TTBK2: variants seen among roughly 807,000 people sequenced by gnomAD.
The protein encoded by TTBK2 is tau tubulin kinase 2, also known as tau-tubulin kinase 2.
In TTBK2, 28 loss-of-function variants were observed where a neutral mutation model predicts 110.8. The ratio of observed to expected loss-of-function variants is 0.25; its 90% confidence interval spans 0.19 to 0.35. TTBK2 has a LOEUF of 0.35. Ranked by LOEUF, TTBK2 falls within the 10% of genes least tolerant of loss-of-function variation. The pLI is 1.00. For synonymous variants in TTBK2, 532 were observed against 527.3 expected (o/e 1.01, Z -0.12); for missense variants, 1,369 against 1,500.3 (o/e 0.91, Z 1.45).
chr15:42,816,118 A>ATATATG (rs1235814767), intron 7 of TTBK2, among the ~76,000 whole-genome samples: 27 of 104,146 alleles, frequency 2.6e-4, no homozygotes, highest in African/African-American at 7.4e-4. Context: ...ATATATATAT[A>ATATATG]TGTGTATATT....
rs901954531 is a variant in TTBK2, at chr15:42,852,387, A to G, written c.218-11954T>C. Among the ~76,000 whole-genome samples the G allele has an allele frequency of 7.2e-5, 11 of 152,318 alleles. No individual in the cohort carries two copies. In the East Asian group the frequency reaches 1.9e-3, roughly 27 times the overall value. ...CCCAGCCATTACCAACTATGTATAC[A>G]TTAAGTTCACAACACAAAATAGCTT... On this transcript the variant is annotated intron_variant, in intron 3 of 14. Coordinates refer to ENST00000267890, the MANE Select transcript of TTBK2 (RefSeq NM_173500.4).
At chr15:42,807,810 A>C (rs1891537566) in intron 9 of TTBK2, among the ~76,000 whole-genome samples, 1 of 152,158 alleles carries the variant, frequency 6.6e-6, no homozygotes, top group South Asian at 2.1e-4. Context: ...TATCTGCTTT[A>C]ATCTTGTTTA....
intron 7 of TTBK2, 28 bp downstream of exon 7, chr15:42,817,004 C>G (rs373140373): frequency 4.2e-5 from 65 of 1,555,836 alleles, no homozygotes; most frequent in Non-Finnish European, 5.4e-5. Context: ...CATACTTATA[C>G]AGATATGACT....
intron 1 of TTBK2, among the ~76,000 whole-genome samples, chr15:42,885,061 G>A (rs1423784468): frequency 6.6e-6 from 1 of 152,166 alleles, no homozygotes; most frequent in Non-Finnish European, 1.5e-5. Context: ...AAGAACTAAT[G>A]ATAATCCCAC....
In TTBK2 at chr15:42,783,653, A is replaced by T. The variant is rs1003238641; in HGVS notation, c.981-18T>A. 1.3e-6 allele frequency: 2 copies of T among 1,595,060 alleles called. No individual in the cohort carries two copies. Among genetic ancestry groups the T allele is most frequent in the Non-Finnish European group, 8.6e-7 (1 of 1,162,824 alleles). ...TGGCAATTCTACATATGAAGGGAGA[A>T]AAAAAAGGCAAGAATCAAAAATTAC... On this transcript the variant is annotated intron_variant, in intron 10 of 14. Coordinates refer to ENST00000267890, the MANE Select transcript of TTBK2 (RefSeq NM_173500.4).
intron 3 of TTBK2, among the ~76,000 whole-genome samples, chr15:42,864,432 A>G (rs572570250): frequency 2.4e-4 from 37 of 152,202 alleles, no homozygotes; most frequent in African/African-American, 8.7e-4. Context: ...TAAAAATACA[A>G]AATTAGCCAG....
intron 1 of TTBK2, among the ~76,000 whole-genome samples, chr15:42,907,410 CA>C (rs2030469775): frequency 6.6e-6 from 1 of 152,038 alleles, no homozygotes; most frequent in Non-Finnish European, 1.5e-5. Context: ...TAACAACAGC[CA>C]AAATGGAATC....
In TTBK2 at chr15:42,746,233, C is replaced by A. The variant is rs766611646; in HGVS notation, c.3297G>T (p.Gly1099=). ...AAAGGTCTGAGTCGGAGTTACTACTCCCTAGGACTTTATATCTGCGTAGCC... is the reference window on the plus strand; with the variant it reads ...AAAGGTCTGAGTCGGAGTTACTACTACCTAGGACTTTATATCTGCGTAGCC... ...EARLRRYKVL[G]SSNSDSDLFS... is the part of the protein sequence containing the mutation. The change falls in exon 15 of 15, where the codon GGG becomes GGT. Residue 1099 remains glycine (G), a synonymous_variant. Transcript: ENST00000267890. 4.3e-6 allele frequency: 7 copies of A among 1,613,678 alleles called. No homozygotes were observed. In the South Asian group the frequency reaches 5.5e-5, roughly 13 times the overall value.
At chr15:42,756,753 C>T (rs2061952534) in intron 13 of TTBK2, among the ~76,000 whole-genome samples, 1 of 151,396 alleles carries the variant, frequency 6.6e-6, no homozygotes, top group Non-Finnish European at 1.5e-5. Flanking sequence ...TATATATGAC[C>T]CAAGCATGGT....
At chr15:42,782,399 C>A (rs1457735270) in intron 11 of TTBK2, among the ~76,000 whole-genome samples, 1 of 152,112 alleles carries the variant, frequency 6.6e-6, no homozygotes, top group Non-Finnish European at 1.5e-5. Flanking sequence ...ACTTATACTT[C>A]TACTTCAACC....
At chr15:42,871,073 C>A (rs1329981203) in intron 3 of TTBK2, among the ~76,000 whole-genome samples, 1 of 151,946 alleles carries the variant, frequency 6.6e-6, no homozygotes, top group Non-Finnish European at 1.5e-5. Flanking sequence ...TTACAAAGCA[C>A]CCCCAACAAA....
intron 2 of TTBK2, 22 bp downstream of exon 2, chr15:42,878,527 A>ACACACT (rs1555434098): frequency 6.2e-6 from 10 of 1,603,586 alleles, no homozygotes; most frequent in African/African-American, 4.1e-5. Context: ...ACACACACAC[A>ACACACT]CTCTCTGAGA....
chr15:42,767,574 T>C (rs1177205192), intron 13 of TTBK2, among the ~76,000 whole-genome samples: 12 of 152,088 alleles, frequency 7.9e-5, no homozygotes, highest in Admixed American at 7.9e-4. Flanking sequence ...AGAAGTTGAA[T>C]CTCTGAGTAG....
chr15:42,910,298 T>A (rs986036693), intron 1 of TTBK2, among the ~76,000 whole-genome samples: 3 of 149,576 alleles, frequency 2.0e-5, no homozygotes, highest in Non-Finnish European at 3.0e-5. Context: ...AACCTGTGAG[T>A]TGAGCATGAA....
At chr15:42,789,852 A>ACACACACACACAC (rs1890572490) in intron 10 of TTBK2, among the ~76,000 whole-genome samples, 1 of 34,182 alleles carries the variant, frequency 2.9e-5, no homozygotes, top group African/African-American at 9.5e-5. Flanking sequence ...AAATACATAC[A>ACACACACACACAC]ATACACACAC....
intron 14 of TTBK2, among the ~76,000 whole-genome samples, chr15:42,749,279 G>A (rs1407140831): frequency 6.6e-6 from 1 of 152,242 alleles, no homozygotes; most frequent in Admixed American, 6.5e-5. Context: ...AGAGTAGGAA[G>A]CACTAGGAAT....
chr15:42,799,641 G>C (rs1034398529), intron 9 of TTBK2, among the ~76,000 whole-genome samples: 1 of 151,764 alleles, frequency 6.6e-6, no homozygotes, highest in Non-Finnish European at 1.5e-5. Flanking sequence ...TTGCCATGTC[G>C]GCCAGGCTGG....
At chr15:42,909,230 GTCCTGCGCCTAAGCGATCC>G (rs1395069956) in intron 1 of TTBK2, among the ~76,000 whole-genome samples, 2 of 152,162 alleles carry the variant, frequency 1.3e-5, no homozygotes, top group African/African-American at 2.4e-5. Flanking sequence ...CAGTCTCAAA[GTCCTGCGCCTAAGCGATCC>G]TCCTGCCTCG....
At chr15:42,794,827 G>GT (rs1890863075) in intron 9 of TTBK2, 26 bp from the exon 10 acceptor site, 2 of 1,613,156 alleles carry the variant, frequency 1.2e-6, no homozygotes, top group South Asian at 1.1e-5. Context: ...AAAAACTAGA[G>GT]TAAGTGAACA....
Sources: gnomAD v4.1 joint callset for allele counts (sites outside exome capture counted in the v4.1 genomes callset) on GRCh38, gnomAD v4.1.1 for gene constraint, MANE v1.5 for transcripts, NCBI Gene and HGNC (gene_info 2026-07-23, HGNC 2026-07-21) for gene names.